Variants in AOPEP observed in about 807,000 individuals in gnomAD.
AOPEP encodes the protein aminopeptidase O.
In AOPEP, 77 loss-of-function variants were observed where a neutral mutation model predicts 98.1. The observed-to-expected ratio is 0.78, with a 90% CI of 0.65 to 0.95. The LOEUF (loss-of-function observed/expected upper bound fraction) is 0.95, where lower values mean the gene tolerates loss of function less well. Among genes scored for constraint, AOPEP ranks in the 40% least tolerant of loss-of-function variants. AOPEP has a pLI of 0.00. For missense variants in AOPEP, 1,024 were observed against 1,024.7 expected (o/e 1.00, Z 0.01); for synonymous variants, 346 against 365.3 (o/e 0.95, Z 0.60).
At chr9:95,080,619 C>T (rs1456162701) in intron 14 of AOPEP, 75 bp from the exon 15 acceptor site, 4 of 967,038 alleles carry the variant, frequency 4.1e-6, no homozygotes, top group Non-Finnish European at 6.6e-6. Context: ...AATACAGAGG[C>T]TGCCTGTCAC....
At position 94,967,794 on chromosome 9, in the gene AOPEP, G is replaced by T. The variant is rs1554787757; in HGVS notation, c.1909G>T (p.Glu637Ter). Residue 637 changes from glutamate to a stop codon, truncating the protein, a stop_gained, in exon 10 of 17, where the codon GAA (glutamate) becomes TAA (stop). Coordinates refer to ENST00000375315, the MANE Select transcript of AOPEP (RefSeq NM_001193329.3). LOFTEE classifies it high-confidence loss of function. ...AATGCTACTGGAGAACATTCCAGAA[G>T]AAAAAAGGTAAGGACCAATTTAGGA... ...LQMLLENIPE[E>*]KRLELSVENI... 7 of 1,612,764 alleles carry T rather than the reference G, an allele frequency of 4.3e-6. No individual in the cohort carries two copies. The East Asian group carries it at 1.6e-4, about 36-fold the overall frequency.
chr9:94,787,707 T>C (rs1486783420), intron 3 of AOPEP, among the ~76,000 whole-genome samples: 1 of 152,234 alleles, frequency 6.6e-6, no homozygotes, highest in Non-Finnish European at 1.5e-5. Context: ...GATTACCTTT[T>C]AATTAATTGA....
chr9:95,042,788 C>T (rs1304470836), intron 13 of AOPEP, among the ~76,000 whole-genome samples: 1 of 152,144 alleles, frequency 6.6e-6, no homozygotes, highest in Non-Finnish European at 1.5e-5. Flanking sequence ...ACGTTGAGCC[C>T]ACCTGTATAA....
intron 9 of AOPEP, among the ~76,000 whole-genome samples, chr9:94,962,779 C>G (rs1038481049): frequency 8.1e-5 from 12 of 148,038 alleles, no homozygotes; most frequent in African/African-American, 3.0e-4. Flanking sequence ...GTCACCCAGG[C>G]TGGAGTGCAG....
At chr9:95,063,474 C>T (rs370478983) in intron 14 of AOPEP, among the ~76,000 whole-genome samples, 7 of 151,956 alleles carry the variant, frequency 4.6e-5, no homozygotes, top group East Asian at 1.9e-4. Context: ...TTTAGATCTC[C>T]GCAGACTCCA....
At position 94,928,524 on chromosome 9, in the gene AOPEP, G is replaced by A. The variant is rs1182644647; in HGVS notation, c.1654G>A (p.Val552Met). ...EMQCSPEEMQ[V>M]LRPSKDKTGH... Reference sequence around the variant, plus strand: ...GCAATGCTCCCCCGAGGAGATGCAGGTGTTAAGGTAAAGCTGCATGGTGAT... The same window carrying A: ...GCAATGCTCCCCCGAGGAGATGCAGATGTTAAGGTAAAGCTGCATGGTGAT... The change falls in exon 7 of 17, where the codon GTG (valine) becomes ATG (methionine). Residue 552 changes from valine to methionine, a missense_variant. By Grantham distance (21) the Val-to-Met change is conservative (BLOSUM62 1). Coordinates refer to ENST00000375315, the MANE Select transcript of AOPEP (RefSeq NM_001193329.3). 1 of 1,548,870 alleles carries A rather than the reference G, an allele frequency of 6.5e-7. No individual in the cohort carries two copies. Among genetic ancestry groups the A allele is most frequent in the African/African-American group, 1.4e-5 (1 of 72,992 alleles).
chr9:94,921,579 T>C (rs2053626065), intron 5 of AOPEP, among the ~76,000 whole-genome samples: 1 of 152,200 alleles, frequency 6.6e-6, no homozygotes, highest in Non-Finnish European at 1.5e-5. Context: ...GAAAGAATAT[T>C]CTGTTGGTCC....
At chr9:95,134,414 C>T in the AOPEP span, among the ~76,000 whole-genome samples, 1 of 152,182 alleles carries the variant, frequency 6.6e-6, no homozygotes, top group Non-Finnish European at 1.5e-5. Context: ...CTCCCTCCTT[C>T]CCAGTGTCCC....
intron 6 of AOPEP, among the ~76,000 whole-genome samples, chr9:94,926,187 T>A (rs1296923813): frequency 6.6e-6 from 1 of 152,238 alleles, no homozygotes; most frequent in Admixed American, 6.5e-5. Context: ...TCCCTTTGCC[T>A]AGACTTCTAG....
intron 5 of AOPEP, among the ~76,000 whole-genome samples, chr9:94,818,445 A>G (rs539148759): frequency 1.5e-3 from 222 of 152,318 alleles, no homozygotes; most frequent in African/African-American, 4.7e-3. Context: ...TGACAATATG[A>G]AAGGTTTGTT....
chr9:95,058,717 AG>A (rs2067053147), intron 13 of AOPEP, among the ~76,000 whole-genome samples: 1 of 152,120 alleles, frequency 6.6e-6, no homozygotes, highest in Non-Finnish European at 1.5e-5. Context: ...GGTAGTAGTG[AG>A]GTGAAGTGGG....
intron 14 of AOPEP, among the ~76,000 whole-genome samples, chr9:95,068,482 A>G (rs2068139244): frequency 6.6e-6 from 1 of 152,184 alleles, no homozygotes; most frequent in Admixed American, 6.6e-5. Flanking sequence ...AGAAAGGGCT[A>G]GTTAAACCTT....
At chr9:94,868,050 T>C (rs950462348) in intron 5 of AOPEP, among the ~76,000 whole-genome samples, 1 of 152,232 alleles carries the variant, frequency 6.6e-6, no homozygotes, top group Non-Finnish European at 1.5e-5. Flanking sequence ...CTACAGACAG[T>C]GACCACCAAT....
chr9:94,779,559 T>C (rs1842849145), intron 3 of AOPEP, among the ~76,000 whole-genome samples: 3 of 152,284 alleles, frequency 2.0e-5, no homozygotes, highest in African/African-American at 7.2e-5. Flanking sequence ...GAACTCTGTG[T>C]TCTTACAACT....
chr9:94,950,690 AT>A (rs2058039261), intron 7 of AOPEP, among the ~76,000 whole-genome samples: 4 of 152,202 alleles, frequency 2.6e-5, no homozygotes. Flanking sequence ...CTTCTGTCTC[AT>A]TTCTGGGATG....
chr9:94,761,851 G>A (rs1044689442), intron 2 of AOPEP, among the ~76,000 whole-genome samples: 1 of 152,074 alleles, frequency 6.6e-6, no homozygotes, highest in African/African-American at 2.4e-5. Context: ...AGAATGAAAC[G>A]GGTGTTCTTA....
At chr9:94,753,775 G>A (rs1451290679) in intron 1 of AOPEP, among the ~76,000 whole-genome samples, 32 of 152,136 alleles carry the variant, frequency 2.1e-4, no homozygotes, top group Admixed American at 1.9e-3. Context: ...AAGATGTGCC[G>A]GGAAAAAGCA....
chr9:95,015,844 G>A (rs2062936484), intron 13 of AOPEP, among the ~76,000 whole-genome samples: 1 of 152,158 alleles, frequency 6.6e-6, no homozygotes. Flanking sequence ...GCCTTCATGA[G>A]CACATACTCA....
chr9:94,807,810 AT>A (rs1490174822), intron 5 of AOPEP, among the ~76,000 whole-genome samples: 3 of 152,172 alleles, frequency 2.0e-5, no homozygotes, highest in Non-Finnish European at 4.4e-5. Flanking sequence ...CTATGTAAGT[AT>A]TTCTTTTAAG....
Sources: allele counts gnomAD v4.1 joint callset (sites outside exome capture counted in the v4.1 genomes callset), GRCh38; gene constraint gnomAD v4.1.1; transcripts MANE v1.5; gene names NCBI Gene and HGNC (gene_info 2026-07-23, HGNC 2026-07-21).